The following LMO7 variants were observed in gnomAD, a reference collection of about 807,000 sequenced individuals.
The protein encoded by LMO7 is LIM domain only protein 7.
Under a neutral mutation model 206.5 loss-of-function variants are expected in LMO7, and 120 were observed. That is an observed-to-expected ratio of 0.58 (90% CI 0.50 to 0.68). The LOEUF is 0.68. Ranked by LOEUF, LMO7 falls within the 30% of genes least tolerant of loss-of-function variation. The pLI, the probability that LMO7 is intolerant of heterozygous loss-of-function variation, is 0.00. For missense variants in LMO7, 1,959 were observed against 1,957.9 expected, an observed-to-expected ratio of 1.00 and a Z score of -0.01; for synonymous variants, 706 against 681.5, an observed-to-expected ratio of 1.04 and a Z score of -0.56.
intron 1 of LMO7, among the ~76,000 whole-genome samples, chr13:75,694,487 A>C (rs1429937518): frequency 1.3e-5 from 2 of 152,214 alleles, no homozygotes; most frequent in East Asian, 3.8e-4. Flanking sequence ...GGAAGAATAC[A>C]GGCAGGCATT....
At chr13:75,768,592 T>A (rs1186687993) in intron 4 of LMO7, among the ~76,000 whole-genome samples, 1 of 152,096 alleles carries the variant, frequency 6.6e-6, no homozygotes, top group Admixed American at 6.6e-5. Context: ...AAATCTAAAC[T>A]AGTCAGTGAC....
intron 1 of LMO7, chr13:75,688,862 T>C (rs888305783): frequency 3.9e-5 from 6 of 152,174 alleles, no homozygotes; most frequent in Non-Finnish European, 7.3e-5. Context: ...GCTCCTTCCA[T>C]TGGGCTTTAT....
chr13:75,683,591 A>G (rs1318948255), intron 1 of LMO7, among the ~76,000 whole-genome samples: 1 of 152,198 alleles, frequency 6.6e-6, no homozygotes, highest in Non-Finnish European at 1.5e-5. Flanking sequence ...ATACCTTGGC[A>G]ATATGAAGTG....
At chr13:75,747,224 CT>C (rs2046917820) in intron 3 of LMO7, among the ~76,000 whole-genome samples, 1 of 152,058 alleles carries the variant, frequency 6.6e-6, no homozygotes, top group South Asian at 2.1e-4. Context: ...CATTTTAAAC[CT>C]TTATCCATGG....
At chr13:75,766,164 T>TG (rs1222200042) in intron 4 of LMO7, among the ~76,000 whole-genome samples, 1 of 152,090 alleles carries the variant, frequency 6.6e-6, no homozygotes, top group Non-Finnish European at 1.5e-5. Flanking sequence ...AATGATTGTC[T>TG]GTAGGGCCGC....
At chr13:75,702,030 C>T (rs2042317082) in intron 1 of LMO7, among the ~76,000 whole-genome samples, 1 of 151,982 alleles carries the variant, frequency 6.6e-6, no homozygotes, top group South Asian at 2.1e-4. Context: ...TAACTTGAGA[C>T]TGTAAGCTAA....
intron 3 of LMO7, among the ~76,000 whole-genome samples, chr13:75,738,145 T>A (rs1001219765): frequency 1.6e-4 from 24 of 152,214 alleles, no homozygotes; most frequent in African/African-American, 5.1e-4. Context: ...GTAAGGTAGA[T>A]TCACCAAGGC....
At chr13:75,763,410 C>T (rs571425497) in intron 4 of LMO7, among the ~76,000 whole-genome samples, 3 of 152,292 alleles carry the variant, frequency 2.0e-5, no homozygotes, top group African/African-American at 7.2e-5. Context: ...CTGACTATGA[C>T]ACCTTTGACA....
In LMO7 at chr13:75,821,333, A is replaced by G; in HGVS notation, c.2364A>G (p.Ser788=). Residue 788 remains serine, a synonymous_variant, in exon 14 of 31, where the codon TCA becomes TCG. Coordinates refer to ENST00000377534, the MANE Select transcript of LMO7 (RefSeq NM_001306080.2). ...RVEEKGATYP[S]EIPKEDSTTF... ...AAGAGAAGGGAGCAACTTATCCTTCAGAAATTCCCAAAGAAGATTCTACCA... is the reference window on the plus strand; with the variant it reads ...AAGAGAAGGGAGCAACTTATCCTTCGGAAATTCCCAAAGAAGATTCTACCA... 1 of 1,614,188 alleles carries G rather than the reference A, an allele frequency of 6.2e-7. No individual in the cohort carries two copies. Among genetic ancestry groups the G allele is most frequent in the Middle Eastern group, 1.6e-4 (1 of 6,062 alleles).
At position 75,658,728 on chromosome 13, in the gene LMO7, C is replaced by T. The variant is rs965317784; in HGVS notation, c.69+22002C>T. On this transcript the variant is annotated intron_variant, in intron 1 of 30. Coordinates refer to ENST00000377534, the MANE Select transcript of LMO7 (RefSeq NM_001306080.2). ...CCTCCCGAGTAGCTGGGACTACAGG[C>T]GCCCACCACCACGCCCAGCTAATTT... 4.9e-4 allele frequency among the ~76,000 whole-genome samples: 75 copies of T among 151,690 alleles called. 1 individual carries two copies. The highest frequency in any genetic ancestry group is 1.7e-3 in the South Asian group (8 of 4,794).
intron 1 of LMO7, among the ~76,000 whole-genome samples, chr13:75,686,872 G>T (rs1226791046): frequency 6.6e-6 from 1 of 152,078 alleles, no homozygotes; most frequent in Non-Finnish European, 1.5e-5. Flanking sequence ...CCACTTCCTG[G>T]TTCATAGCTG....
rs1427051302 is a variant in LMO7 at position 75,821,499 on chromosome 13, C to A, written c.2530C>A (p.Leu844Ile). The A allele has an allele frequency of 4.3e-6, 7 of 1,614,126 alleles. No homozygotes were observed. The highest frequency in any genetic ancestry group is 1.7e-5 in the Admixed American group (1 of 60,022). ...GGAATCAACTCGTGTTTCAGCTTCT[C>A]TCCCCAGAAGTTACCGGAAAACTGA... is the stretch of plus-strand genomic sequence containing the variant. Reference protein sequence around the residue: ...QMESTRVSASLPRSYRKTDTV... With the variant: ...QMESTRVSASIPRSYRKTDTV... The change falls in exon 14 of 31, where the codon CTC (leucine) becomes ATC (isoleucine). Residue 844 changes from leucine (L) to isoleucine (I), a missense_variant. Coordinates refer to ENST00000377534, the MANE Select transcript of LMO7 (RefSeq NM_001306080.2).
intron 2 of LMO7, among the ~76,000 whole-genome samples, chr13:75,626,428 A>G (rs1399704493): frequency 7.2e-6 from 1 of 139,764 alleles, no homozygotes; most frequent in Non-Finnish European, 1.6e-5. Context: ...CTATGACGAG[A>G]AAAGCAGGGG....
chr13:75,800,731 C>G lies in LMO7; in HGVS notation c.510C>G (p.Gly170=). The G allele has an allele frequency of 6.2e-7, 1 of 1,614,114 alleles. No homozygotes were observed. Among genetic ancestry groups the G allele is most frequent in the Non-Finnish European group, 8.5e-7 (1 of 1,179,986 alleles). Residue 170 remains glycine (G), a synonymous_variant, in exon 7 of 31, where the codon GGC becomes GGG. Coordinates refer to ENST00000377534, the MANE Select transcript of LMO7 (RefSeq NM_001306080.2). ...TGAAAAGAAGTGGCAGGGACAGTGG[C>G]TACGGTGACATCTGGTGTCCTGAAC... The part of the protein sequence containing the change: ...SFLKRSGRDS[G]YGDIWCPERG...
intron 1 of LMO7, among the ~76,000 whole-genome samples, chr13:75,678,789 G>A (rs995884034): frequency 3.3e-5 from 5 of 152,102 alleles, no homozygotes; most frequent in East Asian, 1.9e-4. Context: ...AAATACAAGC[G>A]TTTTAGATGT....
chr13:75,826,104 G>C (rs2058089653), intron 15 of LMO7, among the ~76,000 whole-genome samples: 2 of 152,004 alleles, frequency 1.3e-5, no homozygotes, highest in South Asian at 4.2e-4. Flanking sequence ...GCAGTGGCAT[G>C]ATCATGGCTC....
At chr13:75,657,351 T>A (rs986298687) in intron 1 of LMO7, among the ~76,000 whole-genome samples, 4 of 152,218 alleles carry the variant, frequency 2.6e-5, no homozygotes, top group Non-Finnish European at 4.4e-5. Flanking sequence ...ACACTCATCA[T>A]CACTGATATC....
At position 75,750,514 on chromosome 13, in the gene LMO7, C is replaced by A. The variant is rs1254380838; in HGVS notation, c.211-10418C>A. On this transcript the variant is annotated intron_variant, in intron 3 of 30. Coordinates refer to ENST00000377534, the MANE Select transcript of LMO7 (RefSeq NM_001306080.2). ...AAGCTGTACTCCCACTTCAGCCTCC[C>A]AAGTAGCTAGGACTACAGGTGCATG... 2.0e-5 allele frequency among the ~76,000 whole-genome samples: 3 copies of A among 151,758 alleles called. No individual in the cohort carries two copies. In the East Asian group the frequency reaches 5.8e-4, roughly 29 times the overall value.
At chr13:75,823,071 A>G (rs2057763233) in intron 14 of LMO7, among the ~76,000 whole-genome samples, 1 of 152,046 alleles carries the variant, frequency 6.6e-6, no homozygotes, top group Non-Finnish European at 1.5e-5. Flanking sequence ...GGAGTGATCA[A>G]TAGATAGAAC....
Sources: allele counts gnomAD v4.1 joint callset (sites outside exome capture counted in the v4.1 genomes callset), GRCh38; gene constraint gnomAD v4.1.1; transcripts MANE v1.5; gene names NCBI Gene and HGNC (gene_info 2026-07-23, HGNC 2026-07-21).